The following PCBD2 variants were observed in gnomAD, a reference collection of about 807,000 sequenced individuals.
The protein encoded by PCBD2 is pterin-4 alpha-carbinolamine dehydratase 2, also known as pterin-4-alpha-carbinolamine dehydratase 2.
In PCBD2, 12 loss-of-function variants were observed where a neutral mutation model predicts 16.4. That is an observed-to-expected ratio of 0.73 (90% CI 0.47 to 1.19). The LOEUF (loss-of-function observed/expected upper bound fraction) is 1.19, where lower values mean the gene tolerates loss of function less well. Among genes scored for constraint, PCBD2 ranks in the 50% most tolerant of loss-of-function variants. PCBD2 has a pLI of 0.00. For synonymous variants in PCBD2, 58 were observed against 61.8 expected (o/e 0.94, Z 0.29); for missense variants, 138 against 156.8 (o/e 0.88, Z 0.64).
Position 134,959,139 on chromosome 5 carries a change from T to A in PCBD2, c.297+19T>A, listed in dbSNP as rs554160970. ...CAACAAGGTAACTAAACTGCCTTATTTGGGAATCACCTTAATTATGGAGTT... is the reference window on the plus strand; with the variant it reads ...CAACAAGGTAACTAAACTGCCTTATATGGGAATCACCTTAATTATGGAGTT... On this transcript the variant is annotated intron_variant, in intron 3 of 3. Transcript: ENST00000254908. 1.3e-6 allele frequency: 2 copies of A among 1,560,550 alleles called. No homozygotes were observed. Among genetic ancestry groups the A allele is most frequent in the Admixed American group, 3.4e-5 (2 of 58,312 alleles).
chr5:134,909,790 C>T (rs1010146472), intron 1 of PCBD2, among the ~76,000 whole-genome samples: 7 of 152,082 alleles, frequency 4.6e-5, no homozygotes, highest in South Asian at 2.1e-4. Flanking sequence ...ACAGAAGGGC[C>T]GGGCGCAGTC....
At chr5:134,937,040 A>C (rs1751168790) in intron 2 of PCBD2, among the ~76,000 whole-genome samples, 1 of 152,262 alleles carries the variant, frequency 6.6e-6, no homozygotes, top group South Asian at 2.1e-4. Flanking sequence ...CATTGACTTA[A>C]AAGGCAATGT....
At chr5:134,907,216 A>G (rs1750703600) in intron 1 of PCBD2, among the ~76,000 whole-genome samples, 1 of 152,250 alleles carries the variant, frequency 6.6e-6, no homozygotes, top group Non-Finnish European at 1.5e-5. Context: ...CTCTGAGTTG[A>G]CAAAATAAGT....
chr5:134,947,852 A>G (rs1561914320), intron 2 of PCBD2, among the ~76,000 whole-genome samples: 1 of 151,752 alleles, frequency 6.6e-6, no homozygotes, highest in Non-Finnish European at 1.5e-5. Flanking sequence ...TACAATTTTT[A>G]AAAGGATTGC....
intron 2 of PCBD2, among the ~76,000 whole-genome samples, chr5:134,940,790 C>A (rs1238818664): frequency 6.6e-6 from 1 of 152,068 alleles, no homozygotes; most frequent in Non-Finnish European, 1.5e-5. Context: ...GGTTGAGTGT[C>A]ATGTCCACAG....
chr5:134,927,934 T>C, intron 2 of PCBD2: 1 of 397,030 alleles, frequency 2.5e-6, no homozygotes, highest in Non-Finnish European at 4.4e-6. Context: ...GGGATGGTGC[T>C]AATAATTAGG....
chr5:134,917,123 C>T lies in PCBD2; in HGVS notation c.216+6657C>T, dbSNP rs555916362. The stretch of plus-strand genomic sequence containing the variant: ...TGTGGGTGTGAGAGTCCCATAAAGA[C>T]AGATTTTGTTATGCATTGACATGTA... On this transcript the variant is annotated intron_variant, in intron 2 of 3. Transcript: ENST00000254908. 3.9e-5 allele frequency among the ~76,000 whole-genome samples: 6 copies of T among 152,280 alleles called. No homozygotes were observed. In the East Asian group the frequency reaches 5.8e-4, roughly 15 times the overall value.
At chr5:134,924,684 GAAGA>G (rs1364133039) in intron 2 of PCBD2, 1 of 396,360 alleles carries the variant, frequency 2.5e-6, no homozygotes, top group African/African-American at 2.1e-5. Context: ...TGAGTGGGAA[GAAGA>G]AAGAGAGGAA....
rs955755410 is a variant in PCBD2 at position 134,961,483 on chromosome 5, A to G, written c.*802A>G. Among the ~76,000 whole-genome samples, 1 of 151,330 alleles carries G rather than the reference A, an allele frequency of 6.6e-6. No individual in the cohort carries two copies. Among genetic ancestry groups the G allele is most frequent in the South Asian group, 2.1e-4 (1 of 4,788 alleles). Reference sequence around the variant, plus strand: ...GTATTTTTAGTAGAGATGGGGTTTCATTATGTTGGCCAGGATGGTCTCGAT... The same window carrying G: ...GTATTTTTAGTAGAGATGGGGTTTCGTTATGTTGGCCAGGATGGTCTCGAT... On this transcript the variant is annotated 3_prime_UTR_variant, in exon 4 of 4. Transcript: ENST00000254908.
At chr5:134,922,665 T>C (rs1344777423) in intron 2 of PCBD2, among the ~76,000 whole-genome samples, 1 of 146,480 alleles carries the variant, frequency 6.8e-6, no homozygotes, top group Non-Finnish European at 1.5e-5. Flanking sequence ...AGGAAAATCT[T>C]TTTTTTTTTT....
chr5:134,921,094 G>C (rs1750898286), intron 2 of PCBD2, among the ~76,000 whole-genome samples: 1 of 152,232 alleles, frequency 6.6e-6, no homozygotes, highest in African/African-American at 2.4e-5. Context: ...ACATGGTGTG[G>C]TTCTGTCAGG....
intron 2 of PCBD2, among the ~76,000 whole-genome samples, chr5:134,913,030 A>G (rs1453083088): frequency 6.6e-6 from 1 of 152,158 alleles, no homozygotes; most frequent in Non-Finnish European, 1.5e-5. Context: ...GTCTTTCTCC[A>G]TGGGTATGTT....
chr5:134,959,230 T>A, intron 3 of PCBD2, 110 bp downstream of exon 3: 1 of 772,846 alleles, frequency 1.3e-6, no homozygotes, highest in Non-Finnish European at 2.0e-6. Context: ...GAAAGTCTTA[T>A]CCTTTCTCTC....
At chr5:134,925,621 A>G (rs1750980827) in intron 2 of PCBD2, 1 of 397,820 alleles carries the variant, frequency 2.5e-6, no homozygotes. Flanking sequence ...GATAGCGCCT[A>G]GGCATAGTGT....
rs1228120502 is a variant in PCBD2, at chr5:134,959,113, A to G, written c.290A>G (p.Tyr97Cys). 3.1e-6 allele frequency: 5 copies of G among 1,610,318 alleles called. No individual in the cohort carries two copies. The highest frequency in any genetic ancestry group is 1.6e-4 in the Middle Eastern group (1 of 6,078). The change falls in exon 3 of 4, where the codon TAC (tyrosine) becomes TGC (cysteine). Residue 97 changes from tyrosine to cysteine, a missense_variant. Transcript: ENST00000254908. ...CATCACCCAGAATGGTTCAATGTAT[A>G]CAACAAGGTAACTAAACTGCCTTAT... ...MNHHPEWFNVYNKVQITLTSH... is the reference protein window; with the variant it reads ...MNHHPEWFNVCNKVQITLTSH...
intron 2 of PCBD2, among the ~76,000 whole-genome samples, chr5:134,954,161 A>G (rs190572608): frequency 1.3e-5 from 2 of 152,216 alleles, no homozygotes; most frequent in East Asian, 3.9e-4. Flanking sequence ...GGGTCTCACT[A>G]TGTTTCCCAA....
intron 2 of PCBD2, 71 bp downstream of exon 2, chr5:134,910,537 C>T: frequency 1.3e-6 from 2 of 1,524,214 alleles, no homozygotes; most frequent in Non-Finnish European, 1.8e-6. Flanking sequence ...CTTTCTGATT[C>T]TGCCAGTTGT....
chr5:134,923,482 T>C (rs74855376), intron 2 of PCBD2: 1 of 257,916 alleles, frequency 3.9e-6, no homozygotes, highest in East Asian at 7.2e-5. Flanking sequence ...GCTAGGGCTG[T>C]GATAATGAAG....
chr5:134,920,426 C>G (rs1371659144), intron 2 of PCBD2, among the ~76,000 whole-genome samples: 1 of 152,224 alleles, frequency 6.6e-6, no homozygotes, highest in Non-Finnish European at 1.5e-5. Flanking sequence ...CCAAGGACTA[C>G]TTGCTGGATT....
Sources: allele counts gnomAD v4.1 joint callset (sites outside exome capture counted in the v4.1 genomes callset), GRCh38; gene constraint gnomAD v4.1.1; transcripts MANE v1.5; gene names NCBI Gene and HGNC (gene_info 2026-07-23, HGNC 2026-07-21).